Variants in DNAH6 observed in about 807,000 individuals in gnomAD.
DNAH6 encodes the protein dynein axonemal heavy chain 6, also known as axonemal beta dynein heavy chain 6.
In DNAH6, 340 loss-of-function variants were observed where a neutral mutation model predicts 491.4. The ratio of observed to expected loss-of-function variants is 0.69; its 90% CI spans 0.63 to 0.76. The LOEUF is 0.76. DNAH6 is among the 30% of genes least tolerant of loss of function. The pLI is 0.00. For missense variants in DNAH6, 4,443 were observed against 4,972.2 expected (o/e 0.89, Z 3.20); for synonymous variants, 1,603 against 1,686.1 (o/e 0.95, Z 1.21).
intron 30 of DNAH6, among the ~76,000 whole-genome samples, chr2:84,634,847 T>C (rs565136185): frequency 6.6e-6 from 1 of 152,316 alleles, no homozygotes; most frequent in South Asian, 2.1e-4. Flanking sequence ...GTCCTGTTAT[T>C]TAAAATTTGT....
At chr2:84,749,488 G>A (rs756725731) in intron 63 of DNAH6, among the ~76,000 whole-genome samples, 1 of 152,172 alleles carries the variant, frequency 6.6e-6, no homozygotes, top group Non-Finnish European at 1.5e-5. Flanking sequence ...ATGTTCTGAG[G>A]TTGACCATGG....
At position 84,762,954 on chromosome 2, in the gene DNAH6, A is replaced by C. The variant is rs1319284454; in HGVS notation, c.10703+9A>C. The C allele has an allele frequency of 5.8e-6, 9 of 1,546,992 alleles. No individual in the cohort carries two copies. Among genetic ancestry groups the C allele is most frequent in the Non-Finnish European group, 7.0e-6 (8 of 1,144,162 alleles). On this transcript the variant is annotated intron_variant, in intron 64 of 76. Transcript: ENST00000389394. ...AGTGGATATTCAGAACGGTAAGTTCATGTTGTGCAGTTTTAATAATGCAAA... is the reference window on the plus strand; with the variant it reads ...AGTGGATATTCAGAACGGTAAGTTCCTGTTGTGCAGTTTTAATAATGCAAA...
chr2:84,704,384 A>G, intron 51 of DNAH6, 82 bp downstream of exon 51: 10 of 1,038,126 alleles, frequency 9.6e-6, no homozygotes, highest in Non-Finnish European at 1.4e-5. Flanking sequence ...GTATATATTC[A>G]TTCCCTTCTC....
In DNAH6 at chr2:84,653,744, T is replaced by C. The variant is rs1690679932; in HGVS notation, c.5504T>C (p.Ile1835Thr). The change falls in exon 34 of 77, where the codon ATC becomes ACC. Residue 1835 changes from isoleucine to threonine, a missense_variant. By Grantham distance (89) the Ile-to-Thr change is moderately conservative. Transcript: ENST00000389394. ...GATACTTCAGAAGACCATAAATGGA[T>C]CATCAGTGATGGGCCAGTAGATGCT... ...VNDTSEDHKW[I>T]ISDGPVDALW... is the part of the protein sequence containing the mutation. 6.4e-7 allele frequency: 1 copy of C among 1,551,318 alleles called. No homozygotes were observed. Among genetic ancestry groups the C allele is most frequent in the Non-Finnish European group, 8.7e-7 (1 of 1,146,674 alleles).
Position 84,621,471 on chromosome 2 carries a change from C to T in DNAH6, c.3991C>T (p.Arg1331Cys), listed in dbSNP as rs1366599094. The change falls in exon 26 of 77, where the codon CGT becomes TGT. Residue 1331 changes from arginine to cysteine, a missense_variant. Transcript: ENST00000389394. ...GACTGTTTCTCAAATTATGTGGTGC[C>T]GTGATTTGACTGAATGTCTGGAAAC... ...ILTVSQIMWC[R>C]DLTECLETEH... 8.5e-6 allele frequency: 13 copies of T among 1,538,394 alleles called. No individual in the cohort carries two copies. The Admixed American group carries it at 1.6e-4, about 19-fold the overall frequency.
chr2:84,475,078 A>G, the DNAH6 span, among the ~76,000 whole-genome samples: 1 of 152,238 alleles, frequency 6.6e-6, no homozygotes, highest in Admixed American at 6.5e-5. Flanking sequence ...TTTCTCTGGT[A>G]TAATCACAGT....
intron 2 of DNAH6, 60 bp downstream of exon 2, chr2:84,518,111 T>C: frequency 7.5e-7 from 1 of 1,338,196 alleles, no homozygotes; most frequent in East Asian, 2.5e-5. Context: ...TAAAATTGCT[T>C]TGGAGGATAG....
chr2:84,502,137 C>A, the DNAH6 span, among the ~76,000 whole-genome samples: 1 of 151,952 alleles, frequency 6.6e-6, no homozygotes, highest in Non-Finnish European at 1.5e-5. Flanking sequence ...TGAAGTTCTT[C>A]TTTTTTCATG....
chr2:84,582,171 A>G (rs900016352), intron 14 of DNAH6, among the ~76,000 whole-genome samples: 4 of 152,162 alleles, frequency 2.6e-5, no homozygotes, highest in African/African-American at 9.7e-5. Flanking sequence ...AGCTTAGAAA[A>G]ATGGGAAGAT....
chr2:84,692,491 C>T (rs1694968329), intron 45 of DNAH6, among the ~76,000 whole-genome samples: 1 of 151,342 alleles, frequency 6.6e-6, no homozygotes, highest in African/African-American at 2.4e-5. Context: ...ATAAATTTCC[C>T]AGAGAAGGAA....
At chr2:84,678,438 T>C (rs905046124) in intron 41 of DNAH6, among the ~76,000 whole-genome samples, 1 of 152,190 alleles carries the variant, frequency 6.6e-6, no homozygotes, top group African/African-American at 2.4e-5. Flanking sequence ...TACACTGTGA[T>C]GTGGTGAGTG....
chr2:84,681,293 T>C, intron 41 of DNAH6, 64 bp from the exon 42 acceptor site: 1 of 1,347,728 alleles, frequency 7.4e-7, no homozygotes, highest in Non-Finnish European at 9.9e-7. Flanking sequence ...ATCCGGAGTA[T>C]TTAAAAGATA....
At chr2:84,506,666 T>C in the DNAH6 span, among the ~76,000 whole-genome samples, 1 of 146,534 alleles carries the variant, frequency 6.8e-6, no homozygotes, top group Non-Finnish European at 1.5e-5. Flanking sequence ...TGAATGGTAT[T>C]GCCTAGGTTT....
At chr2:84,599,676 A>G (rs1295866483) in intron 18 of DNAH6, among the ~76,000 whole-genome samples, 1 of 149,050 alleles carries the variant, frequency 6.7e-6, no homozygotes, top group East Asian at 1.9e-4. Context: ...TCAATTGACT[A>G]TATTTTTTAG....
intron 4 of DNAH6, among the ~76,000 whole-genome samples, chr2:84,529,686 G>A (rs1325646566): frequency 6.6e-6 from 1 of 152,176 alleles, no homozygotes; most frequent in Non-Finnish European, 1.5e-5. Flanking sequence ...GAGTCTGCAA[G>A]TTGCTTTGAA....
In DNAH6 at chr2:84,688,635, T is replaced by C. The variant is rs150705632; in HGVS notation, c.7292+42T>C. On this transcript the variant is annotated intron_variant, in intron 45 of 76. Coordinates refer to ENST00000389394, the MANE Select transcript of DNAH6 (RefSeq NM_001370.2). ...CGCCCAATAATGCATTGATTTAATATTTTTTGTATTAAAGGGTAAAAAAAT... is the reference window on the plus strand; with the variant it reads ...CGCCCAATAATGCATTGATTTAATACTTTTTGTATTAAAGGGTAAAAAAAT... 3.5e-4 allele frequency: 513 copies of C among 1,455,080 alleles called. 5 individuals carry two copies. The East Asian group carries it at 0.01, about 29-fold the overall frequency. 90.1% of individuals were successfully genotyped at this position (1,455,080 alleles called of 1,614,324 possible).
the DNAH6 span, among the ~76,000 whole-genome samples, chr2:84,486,689 G>A: frequency 2.6e-5 from 4 of 152,204 alleles, no homozygotes; most frequent in African/African-American, 9.6e-5. Flanking sequence ...AAACCTGGCA[G>A]TCTTCCAGGT....
rs1489148063 is a variant in DNAH6, at chr2:84,544,229, A to G, written c.663-4A>G. On this transcript the variant is annotated splice_region_variant and splice_polypyrimidine_tract_variant and intron_variant, in intron 4 of 76. Transcript: ENST00000389394. ...TATTAGTCCCAATTTTTATTTGTTT[A>G]TAGAGTTGTAAGTTATGAGAACATC... 7.2e-7 allele frequency: 1 copy of G among 1,382,560 alleles called. No homozygotes were observed. Among genetic ancestry groups the G allele is most frequent in the South Asian group, 1.5e-5 (1 of 67,906 alleles). The allele number at this position is 1,382,560 out of a possible 1,614,324, so 85.6% of individuals were successfully genotyped here.
chr2:84,566,619 T>A (rs1479961747), intron 11 of DNAH6, among the ~76,000 whole-genome samples: 1 of 152,044 alleles, frequency 6.6e-6, no homozygotes, highest in African/African-American at 2.4e-5. Flanking sequence ...TTTATAATTT[T>A]AACACATGCC....
Sources: allele counts gnomAD v4.1 joint callset (sites outside exome capture counted in the v4.1 genomes callset), GRCh38; gene constraint gnomAD v4.1.1; transcripts MANE v1.5; gene names NCBI Gene and HGNC (gene_info 2026-07-23, HGNC 2026-07-21).